RBKS: variants seen among roughly 807,000 people sequenced by gnomAD.
RBKS encodes the protein ribokinase.
A neutral mutation model predicts 33.9 loss-of-function variants in RBKS; 33 were observed. The observed-to-expected ratio is 0.97, with a 90% CI of 0.74 to 1.30. RBKS has a LOEUF of 1.30. Among genes scored for constraint, RBKS ranks in the 50% most tolerant of loss-of-function variants. RBKS has a pLI of 0.00. For missense variants in RBKS, 361 were observed against 392.6 expected (o/e 0.92, Z 0.68); for synonymous variants, 125 against 143.0 (o/e 0.87, Z 0.90).
In RBKS at chr2:27,881,793, A is replaced by G. The variant is rs549676212; in HGVS notation, c.89+8464T>C. Among the ~76,000 whole-genome samples the G allele has an allele frequency of 9.2e-5, 14 of 152,292 alleles. 1 individual carries two copies. The South Asian group carries it at 2.9e-3, about 32-fold the overall frequency. On this transcript the variant is annotated intron_variant, in intron 1 of 7. Transcript: ENST00000302188. ...ACCTACAACCATCTGATCTTTGACA[A>G]AACAGATAAAAACAAGCAATGGAGA...
intron 3 of RBKS, among the ~76,000 whole-genome samples, chr2:27,847,354 C>T (rs934174032): frequency 4.6e-5 from 7 of 152,176 alleles, no homozygotes; most frequent in Admixed American, 1.3e-4. Context: ...CTCCTACTTT[C>T]GATTCCCCCC....
intron 4 of RBKS, among the ~76,000 whole-genome samples, chr2:27,843,734 G>C (rs918509525): frequency 6.6e-6 from 1 of 152,196 alleles, no homozygotes; most frequent in South Asian, 2.1e-4. Flanking sequence ...ATAGAAAATT[G>C]TATCAGATAT....
intron 1 of RBKS, among the ~76,000 whole-genome samples, chr2:27,865,042 C>G (rs548608389): frequency 2.0e-5 from 3 of 152,260 alleles, no homozygotes; most frequent in African/African-American, 2.4e-5. Context: ...TTCTTTAGGC[C>G]GGGCGCGACG....
At chr2:27,846,665 C>T (rs1471206259) in intron 4 of RBKS, among the ~76,000 whole-genome samples, 1 of 152,128 alleles carries the variant, frequency 6.6e-6, no homozygotes, top group African/African-American at 2.4e-5. Context: ...TTTCTTTGCA[C>T]CTATTTACAT....
At chr2:27,826,559 C>T (rs908866925) in intron 7 of RBKS, among the ~76,000 whole-genome samples, 5 of 152,010 alleles carry the variant, frequency 3.3e-5, no homozygotes, top group Admixed American at 1.3e-4. Flanking sequence ...CAGGTGTGCA[C>T]CACCATGCCC....
At chr2:27,848,259 C>T (rs570910780) in intron 2 of RBKS, among the ~76,000 whole-genome samples, 162 bp from the exon 3 acceptor site, 14 of 152,254 alleles carry the variant, frequency 9.2e-5, no homozygotes, top group African/African-American at 2.9e-4. Context: ...TTGATTGCAG[C>T]CCAAAGAATT....
chr2:27,861,671 G>A, intron 1 of RBKS: 5 of 425,490 alleles, frequency 1.2e-5, no homozygotes, highest in Admixed American at 5.1e-5. Flanking sequence ...TTTGGGGGGG[G>A]GGTGGAGTCT....
chr2:27,837,408 A>G lies in RBKS; in HGVS notation c.515-4631T>C, dbSNP rs1678547405. Among the ~76,000 whole-genome samples the G allele has an allele frequency of 6.6e-6, 1 of 152,252 alleles. No individual in the cohort carries two copies. Among genetic ancestry groups the G allele is most frequent in the African/African-American group, 2.4e-5 (1 of 41,464 alleles). The stretch of plus-strand genomic sequence containing the variant: ...AACTTAGTTCAGTCATGTAGAAAGC[A>G]GTTTGGAGATTGATTCTCAAAGAAC... On this transcript the variant is annotated intron_variant, in intron 5 of 7. Transcript: ENST00000302188. This position sits in a 1 kb window ranked among gnomAD's most constrained non-coding sequence, Gnocchi z 4.0.
chr2:27,804,158 C>T (rs559805014), intron 7 of RBKS, among the ~76,000 whole-genome samples: 1 of 152,210 alleles, frequency 6.6e-6, no homozygotes, highest in Admixed American at 6.5e-5. Context: ...TAAATAGGTA[C>T]AATTTTTTTG....
intron 5 of RBKS, among the ~76,000 whole-genome samples, chr2:27,838,628 A>T (rs751379625): frequency 1.3e-5 from 2 of 152,220 alleles, no homozygotes; most frequent in Non-Finnish European, 2.9e-5. Flanking sequence ...GTGCTACCAC[A>T]AATGAGCATA....
chr2:27,812,108 CA>C (rs1677996939), intron 7 of RBKS, among the ~76,000 whole-genome samples: 1 of 152,046 alleles, frequency 6.6e-6, no homozygotes, highest in African/African-American at 2.4e-5. Flanking sequence ...ATGCAGCCAA[CA>C]GACACAGGAA....
rs1663906507 is a variant in RBKS at position 27,858,532 on chromosome 2, A to G, written c.129T>C (p.His43=). ...CAAAGCCAATAAAAAACTTATGTCC[A>G]TGGATGGTTTCTCCAGTTTTTGGCA... ...SRLPKTGETI[H]GHKFFIGFGG... is the part of the protein sequence containing the mutation. The change falls in exon 2 of 8, where the codon CAT becomes CAC. Residue 43 remains histidine, a synonymous_variant. Coordinates refer to ENST00000302188, the MANE Select transcript of RBKS (RefSeq NM_022128.3). 1.2e-6 allele frequency: 2 copies of G among 1,614,034 alleles called. No individual in the cohort carries two copies. Among genetic ancestry groups the G allele is most frequent in the Middle Eastern group, 1.7e-4 (1 of 6,044 alleles).
Position 27,847,068 on chromosome 2 carries a change from G to A in RBKS, c.323C>T (p.Thr108Ile). 6.2e-7 allele frequency: 1 copy of A among 1,607,048 alleles called. No individual in the cohort carries two copies. The highest frequency in any genetic ancestry group is 8.5e-7 in the Non-Finnish European group (1 of 1,174,054). Reference protein sequence around the residue: ...TYQTKDAATGTASIIVNNEGQ... With the variant: ...TYQTKDAATGIASIIVNNEGQ... ...TTCATTATTGACAATTATAGAAGCA[G>A]TTCCTGTAGCAGCATCTTTAGTCTG... The change falls in exon 4 of 8, where the codon ACT becomes ATT. Residue 108 changes from threonine to isoleucine, a missense_variant. Physicochemically the swap from Thr to Ile is moderately conservative, Grantham distance 89. Transcript: ENST00000302188.
At chr2:27,848,922 A>C (rs1314933571) in intron 2 of RBKS, among the ~76,000 whole-genome samples, 1 of 152,170 alleles carries the variant, frequency 6.6e-6, no homozygotes, top group Admixed American at 6.5e-5. Flanking sequence ...AACTAGTCCA[A>C]TAAGACTCAG....
intron 1 of RBKS, among the ~76,000 whole-genome samples, chr2:27,866,996 T>C (rs1052575924): frequency 6.6e-6 from 1 of 151,056 alleles, no homozygotes; most frequent in Non-Finnish European, 1.5e-5. Flanking sequence ...CGCAGCTACT[T>C]GGGAGGCTGG....
intron 7 of RBKS, among the ~76,000 whole-genome samples, chr2:27,808,502 C>T (rs1040833718): frequency 2.0e-5 from 3 of 152,178 alleles, no homozygotes; most frequent in Non-Finnish European, 4.4e-5. Flanking sequence ...GGTTGAGGTG[C>T]TTGGTTGTGG....
At chr2:27,791,255 T>A (rs562024389) in intron 7 of RBKS, among the ~76,000 whole-genome samples, 7 of 152,324 alleles carry the variant, frequency 4.6e-5, no homozygotes, top group Admixed American at 2.6e-4. Context: ...ACATAGCTGG[T>A]TAAACATTAT....
At chr2:27,790,403 C>T (rs1677499899) in intron 7 of RBKS, among the ~76,000 whole-genome samples, 1 of 152,140 alleles carries the variant, frequency 6.6e-6, no homozygotes, top group South Asian at 2.1e-4. Flanking sequence ...AGGCAGATTT[C>T]TTAGGACACC....
chr2:27,848,062 T>A lies in RBKS; in HGVS notation c.258A>T (p.Glu86Asp). ...TAGAAATATCATTCTGTTTTAAGTTTTCTATATAATCATTGCCAAAAGAAT... is the reference window on the plus strand; with the variant it reads ...TAGAAATATCATTCTGTTTTAAGTTATCTATATAATCATTGCCAAAAGAAT... Reference protein sequence around the residue: ...GKDSFGNDYIENLKQNDISTE... With the variant: ...GKDSFGNDYIDNLKQNDISTE... Residue 86 changes from glutamate (E) to aspartate (D), a missense_variant, in exon 3 of 8, where the codon GAA becomes GAT. Physicochemically the swap from Glu to Asp is conservative, Grantham distance 45 (BLOSUM62 2). Transcript: ENST00000302188. 28 of 1,507,460 alleles carry A rather than the reference T, an allele frequency of 1.9e-5. No homozygotes were observed. Among genetic ancestry groups the A allele is most frequent in the Non-Finnish European group, 2.5e-5 (27 of 1,091,950 alleles). 93.4% of individuals were successfully genotyped at this position (1,507,460 alleles called of 1,614,324 possible).
Sources: gnomAD v4.1 joint callset for allele counts (sites outside exome capture counted in the v4.1 genomes callset) on GRCh38, gnomAD v4.1.1 for gene constraint, Gnocchi (gnomAD v3.1) non-coding constraint, MANE v1.5 for transcripts, NCBI Gene and HGNC (gene_info 2026-07-23, HGNC 2026-07-21) for gene names.